Variants in CFAP61 observed in about 807,000 individuals in gnomAD.
CFAP61 encodes cilia and flagella associated protein 61.
CFAP61 carries 107 observed loss-of-function variants against 135.6 expected under a neutral mutation model. The observed-to-expected ratio is 0.79, with a 90% confidence interval of 0.67 to 0.93. The LOEUF (loss-of-function observed/expected upper bound fraction) is 0.93, where lower values mean the gene tolerates loss of function less well. Among genes scored for constraint, CFAP61 ranks in the 40% least tolerant of loss-of-function variants. The probability of loss-of-function intolerance (pLI) is 0.00; values close to 1 mark genes in which losing one functional copy is unlikely to be tolerated. For synonymous variants in CFAP61, 575 were observed against 578.5 expected, an observed-to-expected ratio of 0.99 and a Z score of 0.09; for missense variants, 1,507 against 1,556.2, an observed-to-expected ratio of 0.97 and a Z score of 0.53.
intron 20 of CFAP61, among the ~76,000 whole-genome samples, chr20:20,262,177 T>A (rs1443527815): frequency 2.0e-5 from 3 of 152,152 alleles, no homozygotes; most frequent in Non-Finnish European, 4.4e-5. Context: ...GCCTTGCCCC[T>A]CCTACATGAA....
At chr20:20,269,130 T>C (rs1368491790) in intron 21 of CFAP61, among the ~76,000 whole-genome samples, 5 of 82,698 alleles carry the variant, frequency 6.0e-5, no homozygotes, top group African/African-American at 2.2e-4. Context: ...TATATATATA[T>C]ATATATATAT....
intron 24 of CFAP61, among the ~76,000 whole-genome samples, chr20:20,291,600 T>G (rs1332338915): frequency 6.6e-6 from 1 of 152,234 alleles, no homozygotes; most frequent in Non-Finnish European, 1.5e-5. Flanking sequence ...TGAGGCAACC[T>G]GTGATGCATC....
At chr20:20,165,429 C>A (rs1243463475) in intron 11 of CFAP61, among the ~76,000 whole-genome samples, 1 of 152,132 alleles carries the variant, frequency 6.6e-6, no homozygotes, top group Non-Finnish European at 1.5e-5. Context: ...CAACAGCAAT[C>A]CAGGGCTACA....
intron 8 of CFAP61, among the ~76,000 whole-genome samples, chr20:20,142,002 TC>T (rs2051440438): frequency 1.3e-5 from 2 of 152,050 alleles, no homozygotes; most frequent in Non-Finnish European, 2.9e-5. Flanking sequence ...AGAGCAGATG[TC>T]ATGGCTGAGA....
At chr20:20,216,507 G>C (rs565946733) in intron 17 of CFAP61, among the ~76,000 whole-genome samples, 1 of 152,352 alleles carries the variant, frequency 6.6e-6, no homozygotes, top group East Asian at 1.9e-4. Context: ...GCAAGTCACA[G>C]CTGTCATCAC....
chr20:20,265,996 T>G (rs2052707613), intron 21 of CFAP61, among the ~76,000 whole-genome samples: 1 of 152,158 alleles, frequency 6.6e-6, no homozygotes, highest in African/African-American at 2.4e-5. Flanking sequence ...CGTCCCCACC[T>G]GAGCCAAGAA....
Position 20,075,615 on chromosome 20 carries a change from G to A in CFAP61, c.566G>A (p.Arg189Lys), listed in dbSNP as rs2045994503. The A allele has an allele frequency of 1.2e-6, 2 of 1,613,944 alleles. No homozygotes were observed. Among genetic ancestry groups the A allele is most frequent in the Admixed American group, 1.7e-5 (1 of 59,992 alleles). The part of the protein sequence containing the change: ...HYPQLHVRKA[R>K]VEDHDDLMPI... ...CCTCAGCTGCACGTTCGCAAAGCCA[G>A]GTACAGTTGGAGTCATGCCTTGTGT... Residue 189 changes from arginine to lysine, a missense_variant and splice_region_variant, in exon 6 of 27, where the codon AGG becomes AAG. Transcript: ENST00000245957.
chr20:20,302,482 G>A (rs892463796), intron 25 of CFAP61, among the ~76,000 whole-genome samples: 2 of 152,000 alleles, frequency 1.3e-5, no homozygotes, highest in African/African-American at 4.8e-5. Context: ...GCCAACATGG[G>A]GAAAACGCAT....
In CFAP61 at chr20:20,284,520, C is replaced by T. The variant is rs961501127; in HGVS notation, c.2797-4089C>T. ...CAGGATGGTCTCGATCTCCTGACTT[C>T]GTGATCCGCCTGCCTCAGCCTCCCA... On this transcript the variant is annotated intron_variant, in intron 22 of 26. Transcript: ENST00000245957. Among the ~76,000 whole-genome samples, 31 of 152,184 alleles carry T rather than the reference C, an allele frequency of 2.0e-4. 1 individual carries two copies. The South Asian group carries it at 3.1e-3, about 15-fold the overall frequency.
chr20:20,336,111 G>C (rs2058179672), intron 25 of CFAP61, among the ~76,000 whole-genome samples: 1 of 152,134 alleles, frequency 6.6e-6, no homozygotes, highest in Admixed American at 6.5e-5. Context: ...ATCTAAGTGT[G>C]CCTCCAGCAT....
intron 2 of CFAP61, among the ~76,000 whole-genome samples, chr20:20,061,090 G>C (rs1249894904): frequency 8.5e-5 from 13 of 152,118 alleles, no homozygotes; most frequent in Non-Finnish European, 1.3e-4. Context: ...CACATCAGTT[G>C]ATAACTGGAA....
chr20:20,269,564 G>T (rs1043982481), intron 21 of CFAP61, among the ~76,000 whole-genome samples: 1 of 152,010 alleles, frequency 6.6e-6, no homozygotes, highest in Admixed American at 6.6e-5. Flanking sequence ...TAGAGATGGG[G>T]TTTCACCATG....
At position 20,253,159 on chromosome 20, in the gene CFAP61, C is replaced by CTTTTA. The variant is rs749695934; in HGVS notation, c.2328+1400_2328+1401insATTTT. 4.5e-3 allele frequency: 679 copies of CTTTTA among 152,550 alleles called. 18 individuals carry two copies. The highest frequency in any genetic ancestry group is 0.03 in the Admixed American group (463 of 15,254). The allele number at this position is 152,550 out of a possible 1,614,324, so 9.4% of individuals were successfully genotyped here. On this transcript the variant is annotated intron_variant, in intron 20 of 26. Transcript: ENST00000245957. ...GAGATGCTACATTTTCTTTTCTTTT[C>CTTTTA]TTTTCTTTCCTTTTCTTCCTTCCTT...
chr20:20,309,349 T>C (rs1343017498), intron 25 of CFAP61, among the ~76,000 whole-genome samples: 1 of 152,106 alleles, frequency 6.6e-6, no homozygotes, highest in Non-Finnish European at 1.5e-5. Flanking sequence ...TTTTAGATGA[T>C]TGCACTATGA....
At chr20:20,052,891 T>C (rs2043866346) in intron 1 of CFAP61, 2 of 644,390 alleles carry the variant, frequency 3.1e-6, no homozygotes, top group East Asian at 2.8e-5. Flanking sequence ...CGCCCCCTCG[T>C]TTCTGGTTTC....
chr20:20,180,752 A>G (rs550173579), intron 13 of CFAP61, among the ~76,000 whole-genome samples: 2 of 152,178 alleles, frequency 1.3e-5, no homozygotes, highest in Admixed American at 1.3e-4. Context: ...CATGGAATCA[A>G]TCTAAATGCC....
At chr20:20,346,524 A>AAC (rs2058642563) in intron 26 of CFAP61, among the ~76,000 whole-genome samples, 1 of 151,506 alleles carries the variant, frequency 6.6e-6, no homozygotes, top group African/African-American at 2.4e-5. Flanking sequence ...GTCTCAAAAA[A>AAC]AAAAAAAAAA....
In CFAP61 at chr20:20,199,878, A is replaced by C; in HGVS notation, c.1908A>C (p.Pro636=). Residue 636 remains proline (P), a synonymous_variant, in exon 17 of 27, where the codon CCA becomes CCC. Transcript: ENST00000245957. ...YPLEKLGINA[P]SKAVSKDPMS... ...TGGAAAAGCTTGGCATAAACGCTCC[A>C]TCAAAGGCGGTCTCCAAGGATCCGG... 1 of 1,614,098 alleles carries C rather than the reference A, an allele frequency of 6.2e-7. No homozygotes were observed. The highest frequency in any genetic ancestry group is 8.5e-7 in the Non-Finnish European group (1 of 1,180,018).
At chr20:20,101,613 ATTTTTT>A in intron 8 of CFAP61, among the ~76,000 whole-genome samples, 2 of 148,076 alleles carry the variant, frequency 1.4e-5, no homozygotes, top group Middle Eastern at 6.8e-3. Context: ...CTTTATTTTT[ATTTTTT>A]ATTTTTATTA....
Sources: gnomAD v4.1 joint callset for allele counts (sites outside exome capture counted in the v4.1 genomes callset) on GRCh38, gnomAD v4.1.1 for gene constraint, MANE v1.5 for transcripts, NCBI Gene and HGNC (gene_info 2026-07-23, HGNC 2026-07-21) for gene names.